Variants in MACROD2 observed in about 807,000 individuals in gnomAD.
The protein encoded by MACROD2 is ADP-ribose glycohydrolase MACROD2.
A neutral mutation model predicts 70.4 loss-of-function variants in MACROD2; 36 were observed. The ratio of observed to expected loss-of-function variants is 0.51; its 90% CI spans 0.39 to 0.68. MACROD2 has a LOEUF of 0.68. Ranked by LOEUF, MACROD2 falls within the 30% of genes least tolerant of loss-of-function variation. The pLI is 0.00. For synonymous variants in MACROD2, 172 were observed against 178.8 expected (o/e 0.96, Z 0.30); for missense variants, 496 against 538.4 (o/e 0.92, Z 0.78).
chr20:14,090,797 T>C (rs1241140773), intron 3 of MACROD2, among the ~76,000 whole-genome samples: 2 of 152,254 alleles, frequency 1.3e-5, no homozygotes, highest in South Asian at 2.1e-4. Context: ...ACAGATCATA[T>C]GGCAGTTTTA....
At chr20:14,805,628 G>T (rs781338961) in intron 5 of MACROD2, among the ~76,000 whole-genome samples, 1 of 152,022 alleles carries the variant, frequency 6.6e-6, no homozygotes. Flanking sequence ...AACAGAGCCA[G>T]GGTTCAAATC....
intron 8 of MACROD2, among the ~76,000 whole-genome samples, chr20:15,506,365 C>T (rs1482672437): frequency 6.6e-6 from 1 of 152,202 alleles, no homozygotes; most frequent in Non-Finnish European, 1.5e-5. Context: ...TAGAAATGCA[C>T]GTCCAGCCTC....
chr20:16,043,535 G>A (rs2067335835), intron 16 of MACROD2, among the ~76,000 whole-genome samples: 1 of 152,080 alleles, frequency 6.6e-6, no homozygotes, highest in Non-Finnish European at 1.5e-5. Flanking sequence ...AAAATTTAGA[G>A]TGAGTGCTAT....
intron 4 of MACROD2, among the ~76,000 whole-genome samples, chr20:14,600,901 G>C (rs1047952592): frequency 6.6e-6 from 1 of 152,172 alleles, no homozygotes; most frequent in African/African-American, 2.4e-5. Flanking sequence ...TTGAGGGCTT[G>C]TCTCATGTAT....
intron 5 of MACROD2, among the ~76,000 whole-genome samples, chr20:14,829,154 G>A (rs2072935554): frequency 1.6e-5 from 2 of 126,196 alleles, no homozygotes; most frequent in South Asian, 5.1e-4. Context: ...TTTTGAGACA[G>A]AGTCTCACTC....
At chr20:15,075,843 C>CCCT (rs1568560867) in intron 5 of MACROD2, among the ~76,000 whole-genome samples, 1 of 152,092 alleles carries the variant, frequency 6.6e-6, no homozygotes, top group Non-Finnish European at 1.5e-5. Flanking sequence ...GACAAAGACA[C>CCCT]CCTCCATGAG....
intron 7 of MACROD2, among the ~76,000 whole-genome samples, chr20:15,484,176 T>C (rs576059993): frequency 6.6e-6 from 1 of 152,256 alleles, no homozygotes; most frequent in South Asian, 2.1e-4. Context: ...TATCTGATTC[T>C]GATGCTTGAT....
At chr20:15,430,597 C>G (rs1316740412) in intron 6 of MACROD2, among the ~76,000 whole-genome samples, 1 of 151,860 alleles carries the variant, frequency 6.6e-6, no homozygotes, top group Non-Finnish European at 1.5e-5. Context: ...TTATATTTGT[C>G]AATTCATTTT....
intron 3 of MACROD2, among the ~76,000 whole-genome samples, chr20:14,138,763 CCACACACACA>C (rs11469437): frequency 0.51 from 75,663 of 146,938 alleles, 20,192 homozygotes; most frequent in Non-Finnish European, 0.58. Flanking sequence ...CTTAAGTTTT[CCACACACACA>C]CACACACACA....
intron 8 of MACROD2, among the ~76,000 whole-genome samples, chr20:15,690,697 A>G (rs2050288731): frequency 6.6e-6 from 1 of 152,166 alleles, no homozygotes; most frequent in Non-Finnish European, 1.5e-5. Context: ...GTCTCCCTGA[A>G]TAAGTGGAAT....
At chr20:14,906,575 T>C (rs991114530) in intron 5 of MACROD2, among the ~76,000 whole-genome samples, 1 of 152,194 alleles carries the variant, frequency 6.6e-6, no homozygotes, top group Non-Finnish European at 1.5e-5. Flanking sequence ...TTGCTTCTCT[T>C]TTTGTGAATA....
intron 4 of MACROD2, among the ~76,000 whole-genome samples, chr20:14,538,132 A>G (rs1242475888): frequency 6.6e-6 from 1 of 152,232 alleles, no homozygotes; most frequent in Non-Finnish European, 1.5e-5. Flanking sequence ...ATCCCATTTT[A>G]AAACATGAAA....
intron 5 of MACROD2, among the ~76,000 whole-genome samples, chr20:14,752,752 G>A (rs1317530707): frequency 1.6e-4 from 25 of 151,902 alleles, no homozygotes; most frequent in Admixed American, 1.6e-3. Flanking sequence ...TTGCAGTTCC[G>A]CAAAAAACAT....
At chr20:15,834,852 C>T (rs1568587388) in intron 8 of MACROD2, among the ~76,000 whole-genome samples, 1 of 152,188 alleles carries the variant, frequency 6.6e-6, no homozygotes, top group Non-Finnish European at 1.5e-5. Flanking sequence ...CCCCCACTGA[C>T]ATTCATGGCT....
chr20:15,367,684 A>C (rs2045430969), intron 6 of MACROD2, among the ~76,000 whole-genome samples: 1 of 152,126 alleles, frequency 6.6e-6, no homozygotes, highest in East Asian at 1.9e-4. Flanking sequence ...TTATAAAAGC[A>C]AAGATTTTTT....
intron 8 of MACROD2, among the ~76,000 whole-genome samples, chr20:15,542,883 C>T (rs1243539708): frequency 2.0e-5 from 3 of 152,206 alleles, no homozygotes; most frequent in East Asian, 1.9e-4. Flanking sequence ...TCCTTGTCCA[C>T]GTCCTACGCA....
chr20:14,668,046 T>G (rs1397696783), intron 4 of MACROD2, among the ~76,000 whole-genome samples: 1 of 151,872 alleles, frequency 6.6e-6, no homozygotes, highest in Non-Finnish European at 1.5e-5. Flanking sequence ...TACTTGCTAC[T>G]CGGGGACTGA....
chr20:14,177,687 G>A (rs2081274421), intron 3 of MACROD2, among the ~76,000 whole-genome samples: 1 of 152,108 alleles, frequency 6.6e-6, no homozygotes, highest in Non-Finnish European at 1.5e-5. Context: ...AAATAGGATA[G>A]AATGTCCAGA....
At chr20:15,119,184 T>G (rs2076012946) in intron 5 of MACROD2, among the ~76,000 whole-genome samples, 2 of 152,216 alleles carry the variant, frequency 1.3e-5, no homozygotes, top group Admixed American at 1.3e-4. Context: ...GATTGATACT[T>G]CAAGAGGAGT....
Sources: gnomAD v4.1 joint callset for allele counts (sites outside exome capture counted in the v4.1 genomes callset) on GRCh38, gnomAD v4.1.1 for gene constraint, MANE v1.5 for transcripts, NCBI Gene and HGNC (gene_info 2026-07-23, HGNC 2026-07-21) for gene names.